The following EPS15L1 variants were observed in gnomAD, a reference collection of about 807,000 sequenced individuals.
EPS15L1 encodes epidermal growth factor receptor pathway substrate 15 like 1.
A neutral mutation model predicts 117.1 loss-of-function variants in EPS15L1; 43 were observed. That is an observed-to-expected ratio of 0.37 (90% CI 0.29 to 0.47). The LOEUF (loss-of-function observed/expected upper bound fraction) is 0.47, where lower values mean the gene tolerates loss of function less well. Among genes scored for constraint, EPS15L1 ranks in the 20% least tolerant of loss-of-function variants. The pLI is 0.99. For missense variants in EPS15L1, 981 were observed against 1,164.0 expected (o/e 0.84, Z 2.29); for synonymous variants, 459 against 470.5 (o/e 0.98, Z 0.32).
At chr19:16,440,356 C>T (rs564218748) in intron 4 of EPS15L1, among the ~76,000 whole-genome samples, 7 of 152,156 alleles carry the variant, frequency 4.6e-5, no homozygotes, top group African/African-American at 1.7e-4. Flanking sequence ...TCACTTGATC[C>T]TGGGAGGTGG....
At chr19:16,374,191 G>A (rs568369653) in intron 22 of EPS15L1, among the ~76,000 whole-genome samples, 21 of 152,230 alleles carry the variant, frequency 1.4e-4, no homozygotes, top group East Asian at 1.4e-3. Context: ...CTCCCTCCCC[G>A]CCTTTCCTCT....
intron 9 of EPS15L1, among the ~76,000 whole-genome samples, chr19:16,423,714 T>C (rs868396417): frequency 2.0e-5 from 3 of 152,124 alleles, no homozygotes; most frequent in African/African-American, 4.8e-5. Context: ...AAGATGCCAA[T>C]AAAGGAATTC....
In EPS15L1 at chr19:16,444,171, C is replaced by CAA. The variant is rs61347144; in HGVS notation, c.34-1954_34-1953dup. On this transcript the variant is annotated intron_variant, in intron 1 of 23. Transcript: ENST00000455140. ...ATCTGAAAGGGGAGAGGGAAAAAGT[C>CAA]AAAAAAAAAAAAAAGAGGAAAAGAA... Among the ~76,000 whole-genome samples, 161 of 71,220 alleles carry CAA rather than the reference C, an allele frequency of 2.3e-3. 3 individuals carry two copies. In the South Asian group the frequency reaches 0.031, roughly 14 times the overall value. The allele number at this position is 71,220 out of a possible 152,430, so 46.7% of individuals were successfully genotyped here.
chr19:16,393,088 T>C (rs1404909600), intron 18 of EPS15L1, among the ~76,000 whole-genome samples: 2 of 14,538 alleles, frequency 1.4e-4, no homozygotes, highest in Non-Finnish European at 5.0e-4. Context: ...ATAATAATAA[T>C]AATAATAATA....
chr19:16,441,171 C>A (rs551045783), intron 3 of EPS15L1: 1 of 517,388 alleles, frequency 1.9e-6, no homozygotes, highest in Non-Finnish European at 3.5e-6. Flanking sequence ...CTTCTTCCCC[C>A]AACTAAAGTC....
chr19:16,455,766 A>G lies in EPS15L1; in HGVS notation c.34-13547T>C, dbSNP rs184200785. Among the ~76,000 whole-genome samples, 96 of 152,268 alleles carry G rather than the reference A, an allele frequency of 6.3e-4. No homozygotes were observed. In the East Asian group the frequency reaches 6.9e-3, roughly 11 times the overall value. On this transcript the variant is annotated intron_variant, in intron 1 of 23. Transcript: ENST00000455140. ...CACTCCCACCCCCGGGGACTTGTCA[A>G]TCACCGGCTGTTGTGATTCCTGGTA...
intron 10 of EPS15L1, among the ~76,000 whole-genome samples, chr19:16,420,376 G>A (rs1474180548): frequency 6.6e-6 from 1 of 152,242 alleles, no homozygotes; most frequent in Non-Finnish European, 1.5e-5. Flanking sequence ...CTGTATGTGT[G>A]TTGGTTTCAG....
chr19:16,418,131 A>G, intron 10 of EPS15L1, 27 bp from the exon 11 acceptor site: 2 of 1,602,016 alleles, frequency 1.2e-6, no homozygotes, highest in Non-Finnish European at 1.7e-6. Context: ...GATGCTAATT[A>G]CACATCACAG....
At chr19:16,425,054 G>C in intron 9 of EPS15L1, 29 bp downstream of exon 9, 1 of 1,555,772 alleles carries the variant, frequency 6.4e-7, no homozygotes, top group Non-Finnish European at 8.9e-7. Flanking sequence ...TGCTCTGAGA[G>C]GGGGCTGTGC....
At chr19:16,464,989 G>C (rs906361787) in intron 1 of EPS15L1, among the ~76,000 whole-genome samples, 5 of 151,680 alleles carry the variant, frequency 3.3e-5, no homozygotes, top group African/African-American at 9.7e-5. Context: ...TGAGGCAGTA[G>C]AATGGCATGA....
rs1039415238 is a variant in EPS15L1 at position 16,471,961 on chromosome 19, G to A, written c.-16C>T. ...GCGCCGCCATCTTCCCGCGGACTCG[G>A]GCTCCGAGCGCCGGGGGAACGGGGG... On this transcript the variant is annotated 5_prime_UTR_variant, in exon 1 of 24. Transcript: ENST00000455140. The surrounding 1 kb of genome is among the most constrained non-coding windows in gnomAD (Gnocchi z 4.8). The A allele has an allele frequency of 7.8e-7, 1 of 1,282,210 alleles. No individual in the cohort carries two copies. Among genetic ancestry groups the A allele is most frequent in the Non-Finnish European group, 9.8e-7 (1 of 1,015,792 alleles). The allele number at this position is 1,282,210 out of a possible 1,614,324, so 79.4% of individuals were successfully genotyped here.
chr19:16,466,548 T>C (rs774170697), intron 1 of EPS15L1, among the ~76,000 whole-genome samples: 11 of 152,042 alleles, frequency 7.2e-5, no homozygotes, highest in Admixed American at 2.0e-4. Context: ...GCCCAGAAAG[T>C]GTCCAGCAAA....
Position 16,383,134 on chromosome 19 carries a change from G to A in EPS15L1, c.2247+1995C>T, listed in dbSNP as rs764721243. On this transcript the variant is annotated intron_variant, in intron 21 of 23. Coordinates refer to ENST00000455140, the MANE Select transcript of EPS15L1 (RefSeq NM_001258374.3). The surrounding 1 kb of genome is among the most constrained non-coding windows in gnomAD (Gnocchi z 5.2). ...GTGTCATGAAGGCAGCTGATGGAAC[G>A]CTGGAATCAAAACAAGATAGTATTG... 6.6e-6 allele frequency: 1 copy of A among 152,136 alleles called. No individual in the cohort carries two copies. Among genetic ancestry groups the A allele is most frequent in the African/African-American group, 2.4e-5 (1 of 41,418 alleles). The allele number at this position is 152,136 out of a possible 1,614,324, so 9.4% of individuals were successfully genotyped here.
chr19:16,379,940 T>C (rs575313118), intron 21 of EPS15L1, among the ~76,000 whole-genome samples: 10 of 152,040 alleles, frequency 6.6e-5, no homozygotes, highest in Admixed American at 4.6e-4. Context: ...CATCTAAGAC[T>C]CCAGTGTCTA....
Position 16,381,827 on chromosome 19 carries a change from C to T in EPS15L1, c.2247+3302G>A, listed in dbSNP as rs368268891. 3.9e-5 allele frequency among the ~76,000 whole-genome samples: 6 copies of T among 152,212 alleles called. No individual in the cohort carries two copies. The highest frequency in any genetic ancestry group is 7.2e-5 in the African/African-American group (3 of 41,460). On this transcript the variant is annotated intron_variant, in intron 21 of 23. Transcript: ENST00000455140. This position sits in a 1 kb window ranked among gnomAD's most constrained non-coding sequence, Gnocchi z 4.2. ...GGAACATGTCCCTGGGCCTAGGGCC[C>T]GTGCGAGTCCCCCGCGGCCTGGGAT...
In EPS15L1 at chr19:16,404,474, T is replaced by C. The variant is rs983038086; in HGVS notation, c.1428+114A>G. The C allele has an allele frequency of 9.0e-6, 11 of 1,221,896 alleles. No homozygotes were observed. The highest frequency in any genetic ancestry group is 1.3e-5 in the Non-Finnish European group (11 of 871,020). The allele number at this position is 1,221,896 out of a possible 1,614,324, so 75.7% of individuals were successfully genotyped here. A position where few individuals can be genotyped will look rare whatever the true frequency, so the allele number is the denominator to read the frequency against. Reference sequence around the variant, plus strand: ...CCACGTGGTGTTTGGAGGAACTCTATTGACCCAGTAGGATGTCTAAGTGTT... The same window carrying C: ...CCACGTGGTGTTTGGAGGAACTCTACTGACCCAGTAGGATGTCTAAGTGTT... On this transcript the variant is annotated intron_variant, in intron 14 of 23. Coordinates refer to ENST00000455140, the MANE Select transcript of EPS15L1 (RefSeq NM_001258374.3). This position sits in a 1 kb window ranked among gnomAD's most constrained non-coding sequence, Gnocchi z 4.2.
rs988222724 is a variant in EPS15L1 at position 16,368,939 on chromosome 19, G to A, written c.2381-6955C>T. ...CCGGGCGGGGCACCACTCCAGCAGAGCTCATCCAAGGCCACTGACATGTCT... is the reference window on the plus strand; with the variant it reads ...CCGGGCGGGGCACCACTCCAGCAGAACTCATCCAAGGCCACTGACATGTCT... On this transcript the variant is annotated intron_variant, in intron 22 of 23. Transcript: ENST00000455140. 9.2e-5 allele frequency among the ~76,000 whole-genome samples: 14 copies of A among 152,360 alleles called. No homozygotes were observed. The East Asian group carries it at 2.5e-3, about 27-fold the overall frequency.
intron 1 of EPS15L1, among the ~76,000 whole-genome samples, chr19:16,447,342 A>G (rs2093093787): frequency 6.6e-6 from 1 of 152,238 alleles, no homozygotes; most frequent in Non-Finnish European, 1.5e-5. Context: ...GGCAAGTGAA[A>G]AGAGAGCTTT....
intron 23 of EPS15L1, chr19:16,361,535 C>T (rs1014984818): frequency 4.9e-6 from 6 of 1,214,028 alleles, no homozygotes; most frequent in Non-Finnish European, 6.2e-6. Flanking sequence ...GGTCCCGCCT[C>T]CCTGCTGGAA....
Sources: allele counts gnomAD v4.1 joint callset (sites outside exome capture counted in the v4.1 genomes callset), GRCh38; gene constraint gnomAD v4.1.1; non-coding constraint Gnocchi (gnomAD v3.1); transcripts MANE v1.5; gene names NCBI Gene and HGNC (gene_info 2026-07-23, HGNC 2026-07-21).